The following KMT5B variants were observed in gnomAD, a reference collection of about 807,000 sequenced individuals.
The protein encoded by KMT5B is lysine methyltransferase 5B.
A neutral mutation model predicts 83.2 loss-of-function variants in KMT5B; 10 were observed. The ratio of observed to expected loss-of-function variants is 0.12; its 90% CI spans 0.07 to 0.20. The LOEUF (loss-of-function observed/expected upper bound fraction) is 0.20, where lower values mean the gene tolerates loss of function less well. KMT5B is among the 10% of genes least tolerant of loss of function. KMT5B has a pLI of 1.00. For missense variants in KMT5B, 753 were observed against 1,067.2 expected, an observed-to-expected ratio of 0.71 and a Z score of 4.10; for synonymous variants, 349 against 388.8, an observed-to-expected ratio of 0.90 and a Z score of 1.20.
At chr11:68,189,279 T>C (rs1447323944) in intron 2 of KMT5B, among the ~76,000 whole-genome samples, 1 of 152,216 alleles carries the variant, frequency 6.6e-6, no homozygotes, top group Non-Finnish European at 1.5e-5. Flanking sequence ...TTTACTACTT[T>C]TAGAGGAACT....
chr11:68,174,922 A>C (rs1043291759), intron 5 of KMT5B, 96 bp downstream of exon 5: 57 of 1,123,264 alleles, frequency 5.1e-5, no homozygotes, highest in Admixed American at 3.7e-4. Flanking sequence ...ATGAAAAATA[A>C]ATTTAAAATT....
chr11:68,196,342 T>C (rs1858704741), intron 1 of KMT5B, among the ~76,000 whole-genome samples: 1 of 151,486 alleles, frequency 6.6e-6, no homozygotes, highest in African/African-American at 2.4e-5. Flanking sequence ...TCTAGTTATA[T>C]ACTTATGCTA....
In KMT5B at chr11:68,156,514, A is replaced by G. The variant is rs771001811; in HGVS notation, c.*1174T>C. 6 of 152,658 alleles carry G rather than the reference A, an allele frequency of 3.9e-5. No homozygotes were observed. Among genetic ancestry groups the G allele is most frequent in the Non-Finnish European group, 8.8e-5 (6 of 68,034 alleles). The allele number at this position is 152,658 out of a possible 1,614,324, so 9.5% of individuals were successfully genotyped here. On this transcript the variant is annotated 3_prime_UTR_variant, in exon 11 of 11. Coordinates refer to ENST00000304363, the MANE Select transcript of KMT5B (RefSeq NM_017635.5). The stretch of plus-strand genomic sequence containing the variant: ...AAACTAACATAAACTAACATAAGCC[A>G]AGAACTCCCACTGATGCAGTGCTTA...
chr11:68,185,683 A>G (rs1857378742), intron 3 of KMT5B, 98 bp downstream of exon 3: 5 of 1,264,032 alleles, frequency 4.0e-6, no homozygotes, highest in African/African-American at 1.5e-5. Flanking sequence ...CTTTCCTTTA[A>G]TGTCATTTTA....
intron 1 of KMT5B, among the ~76,000 whole-genome samples, chr11:68,204,585 G>A (rs992024955): frequency 6.8e-6 from 1 of 148,026 alleles, no homozygotes; most frequent in Non-Finnish European, 1.5e-5. Context: ...TTCTGGCCTC[G>A]AAAACCGTGA....
intron 4 of KMT5B, chr11:68,176,728 G>A (rs1442723836): frequency 1.3e-5 from 2 of 152,120 alleles, no homozygotes; most frequent in Admixed American, 6.6e-5. Context: ...AAGTTGGAGT[G>A]AGCCAAGATC....
At chr11:68,204,485 G>A (rs1390672654) in intron 1 of KMT5B, among the ~76,000 whole-genome samples, 2 of 152,130 alleles carry the variant, frequency 1.3e-5, no homozygotes, top group African/African-American at 4.8e-5. Context: ...GAATGCTGCA[G>A]CCCACCAGAG....
In KMT5B at chr11:68,171,374, CAA is replaced by C; in HGVS notation, c.821-125_821-124del. Reference sequence around the variant, plus strand: ...CAACTTTTGATAGGAGTTTAGGTCTCAAGTTCAACTAAAGGAATATACATTTA... The same window carrying C: ...CAACTTTTGATAGGAGTTTAGGTCTCGTTCAACTAAAGGAATATACATTTA... On this transcript the variant is annotated intron_variant, in intron 7 of 10. Transcript: ENST00000304363. The surrounding 1 kb of genome is among the most constrained non-coding windows in gnomAD (Gnocchi z 5.1). The C allele has an allele frequency of 7.7e-7, 1 of 1,292,768 alleles. No homozygotes were observed. The highest frequency in any genetic ancestry group is 1.1e-6 in the Non-Finnish European group (1 of 921,278). The allele number at this position is 1,292,768 out of a possible 1,614,324, so 80.1% of individuals were successfully genotyped here. A position where few individuals can be genotyped will look rare whatever the true frequency, so the allele number is the denominator to read the frequency against.
At chr11:68,212,688 G>C (rs1861071589) in intron 1 of KMT5B, 1 of 152,146 alleles carries the variant, frequency 6.6e-6, no homozygotes, top group African/African-American at 2.4e-5. Flanking sequence ...CGTCGGGGAG[G>C]AGGGTGGGCT....
At chr11:68,209,310 G>C (rs1860567582) in intron 1 of KMT5B, among the ~76,000 whole-genome samples, 1 of 152,178 alleles carries the variant, frequency 6.6e-6, no homozygotes, top group Non-Finnish European at 1.5e-5. Context: ...CGTGGTGCTG[G>C]AATACTGGTC....
chr11:68,192,920 A>G (rs970668406), intron 1 of KMT5B, among the ~76,000 whole-genome samples: 2 of 152,212 alleles, frequency 1.3e-5, no homozygotes, highest in African/African-American at 4.8e-5. Context: ...ATGTAAATGT[A>G]TCTCTTACTA....
intron 10 of KMT5B, 25 bp from the exon 11 acceptor site, chr11:68,159,196 G>A: frequency 6.5e-7 from 1 of 1,529,164 alleles, no homozygotes; most frequent in East Asian, 2.3e-5. Flanking sequence ...AGAAAAAGGT[G>A]AAAAGCCTTG....
chr11:68,165,430 G>C (rs897834694), intron 10 of KMT5B, among the ~76,000 whole-genome samples: 1 of 152,102 alleles, frequency 6.6e-6, no homozygotes, highest in Non-Finnish European at 1.5e-5. Flanking sequence ...CTTGAACTTG[G>C]GAGGCAGAGG....
chr11:68,165,895 A>G, intron 10 of KMT5B: 1 of 1,612,914 alleles, frequency 6.2e-7, no homozygotes, highest in Non-Finnish European at 8.5e-7. Flanking sequence ...TCAGGAATTC[A>G]TGGCAGTGAC....
At chr11:68,170,075 A>T (rs1855697223) in intron 9 of KMT5B, among the ~76,000 whole-genome samples, 2 of 152,218 alleles carry the variant, frequency 1.3e-5, no homozygotes, top group Non-Finnish European at 2.9e-5. Flanking sequence ...GGGAAATGGC[A>T]ACTGGGGTAT....
At chr11:68,213,556 G>A (rs1349444882), upstream of KMT5B, 3 of 151,856 alleles carry the variant, frequency 2.0e-5, no homozygotes, top group East Asian at 2.0e-4. Context: ...GCGCCGCGCG[G>A]TGCCGCCTCC....
intron 9 of KMT5B, among the ~76,000 whole-genome samples, chr11:68,169,986 T>C (rs969569072): frequency 6.6e-6 from 1 of 152,336 alleles, no homozygotes; most frequent in East Asian, 1.9e-4. Flanking sequence ...GGGAGAGGGA[T>C]GGCTACGGTA....
intron 1 of KMT5B, among the ~76,000 whole-genome samples, chr11:68,205,193 C>T (rs1859941449): frequency 6.6e-6 from 1 of 151,906 alleles, no homozygotes; most frequent in African/African-American, 2.4e-5. Flanking sequence ...TGCTGCGCAA[C>T]TTCAGTCCCT....
intron 2 of KMT5B, among the ~76,000 whole-genome samples, chr11:68,186,377 G>A (rs1182177383): frequency 1.3e-5 from 2 of 152,184 alleles, no homozygotes; most frequent in Non-Finnish European, 2.9e-5. Context: ...AGTATCAAAA[G>A]GAATCTCATG....
Sources: allele counts gnomAD v4.1 joint callset (sites outside exome capture counted in the v4.1 genomes callset), GRCh38; gene constraint gnomAD v4.1.1; non-coding constraint Gnocchi (gnomAD v3.1); transcripts MANE v1.5; gene names NCBI Gene and HGNC (gene_info 2026-07-23, HGNC 2026-07-21).